Variants in IL1RAP observed in about 807,000 individuals in gnomAD.
IL1RAP encodes interleukin-1 receptor accessory protein.
Under a neutral mutation model 60.7 loss-of-function variants are expected in IL1RAP, and 35 were observed. The observed-to-expected ratio is 0.58, with a 90% confidence interval of 0.44 to 0.76. The LOEUF (loss-of-function observed/expected upper bound fraction) is 0.76. IL1RAP is among the 30% of genes least tolerant of loss of function. The pLI is 0.00. For synonymous variants in IL1RAP, 268 were observed against 250.9 expected (o/e 1.07, Z -0.64); for missense variants, 572 against 693.9 (o/e 0.82, Z 1.97).
At chr3:190,634,140 T>C (rs1733005622) in intron 9 of IL1RAP, among the ~76,000 whole-genome samples, 1 of 152,198 alleles carries the variant, frequency 6.6e-6, no homozygotes, top group African/African-American at 2.4e-5. Flanking sequence ...GTCAGTGTGA[T>C]GATTTATACT....
At chr3:190,584,034 G>T (rs1046849300) in intron 3 of IL1RAP, among the ~76,000 whole-genome samples, 1 of 152,022 alleles carries the variant, frequency 6.6e-6, no homozygotes, top group African/African-American at 2.4e-5. Context: ...TTTCTCTCAT[G>T]CTGCCACTGT....
In IL1RAP at chr3:190,620,337, C is replaced by T. The variant is rs1362895141; in HGVS notation, c.600C>T (p.Leu200=). 1.9e-6 allele frequency: 3 copies of T among 1,605,930 alleles called. No individual in the cohort carries two copies. Among genetic ancestry groups the T allele is most frequent in the Non-Finnish European group, 1.7e-6 (2 of 1,173,752 alleles). The change falls in exon 6 of 12, where the codon CTC becomes CTT. Residue 200 remains leucine, a synonymous_variant. Transcript: ENST00000447382. ...VIPEGMNLSF[L]IALISNNGNY... is the part of the protein sequence containing the mutation. ...CCGAAGGTATGAACTTGAGTTTCCT[C>T]ATTGCCTTAATTTCAAATAATGGAA...
At chr3:190,641,891 T>C (rs1733687729) in intron 9 of IL1RAP, among the ~76,000 whole-genome samples, 1 of 152,188 alleles carries the variant, frequency 6.6e-6, no homozygotes, top group South Asian at 2.1e-4. Context: ...TAGTAAACTT[T>C]CAGCAACTGC....
intron 1 of IL1RAP, among the ~76,000 whole-genome samples, chr3:190,536,107 G>A (rs1384124737): frequency 1.3e-5 from 2 of 151,926 alleles, no homozygotes; most frequent in African/African-American, 2.4e-5. Flanking sequence ...TTGCTTGTTG[G>A]GTTTCTTTTC....
chr3:190,578,074 G>A (rs1018460216), intron 3 of IL1RAP, among the ~76,000 whole-genome samples: 2 of 152,152 alleles, frequency 1.3e-5, no homozygotes, highest in South Asian at 4.1e-4. Flanking sequence ...GTGGGAGGAG[G>A]ACACAGGTTG....
chr3:190,632,461 T>A (rs1477173096), intron 9 of IL1RAP, among the ~76,000 whole-genome samples: 1 of 152,328 alleles, frequency 6.6e-6, no homozygotes, highest in East Asian at 1.9e-4. Flanking sequence ...GTTTTTAAAT[T>A]TAATGTATGT....
downstream of IL1RAP, chr3:190,656,073 A>G (rs1199642928): frequency 6.5e-7 from 1 of 1,537,264 alleles, no homozygotes; most frequent in East Asian, 2.4e-5. Context: ...ACCCGCACCC[A>G]GGCATTCTTC....
chr3:190,536,492 T>C (rs771096024), intron 1 of IL1RAP, among the ~76,000 whole-genome samples: 3 of 152,140 alleles, frequency 2.0e-5, no homozygotes, highest in Non-Finnish European at 4.4e-5. Flanking sequence ...TCGTTTTGTA[T>C]TTTTACTGTG....
chr3:190,599,479 C>T (rs529142266), intron 3 of IL1RAP, among the ~76,000 whole-genome samples: 1 of 148,788 alleles, frequency 6.7e-6, no homozygotes, highest in South Asian at 2.1e-4. Flanking sequence ...CCTAATATTT[C>T]GTAAAGTGAC....
chr3:190,588,721 G>C (rs1728684847), intron 3 of IL1RAP, among the ~76,000 whole-genome samples: 1 of 152,054 alleles, frequency 6.6e-6, no homozygotes, highest in Non-Finnish European at 1.5e-5. Context: ...ACATTCTCTT[G>C]TTTTGCTTCC....
In IL1RAP at chr3:190,650,185, G is replaced by T; in HGVS notation, c.*1480G>T. Reference sequence around the variant, plus strand: ...TTTTAAATTATGTTTTTACTGGAATGTTTTTGTGTCAGTGTTTTCTGTACA... The same window carrying T: ...TTTTAAATTATGTTTTTACTGGAATTTTTTTGTGTCAGTGTTTTCTGTACA... On this transcript the variant is annotated 3_prime_UTR_variant, in exon 12 of 12. Transcript: ENST00000447382. 1.0e-6 allele frequency: 1 copy of T among 984,236 alleles called. No individual in the cohort carries two copies. Among genetic ancestry groups the T allele is most frequent in the Non-Finnish European group, 1.2e-6 (1 of 828,914 alleles). 61.0% of individuals were successfully genotyped at this position (984,236 alleles called of 1,614,324 possible).
chr3:190,525,256 G>T (rs945389867), intron 1 of IL1RAP, among the ~76,000 whole-genome samples: 12 of 152,212 alleles, frequency 7.9e-5, no homozygotes, highest in Non-Finnish European at 1.5e-4. Flanking sequence ...GGACATAGAA[G>T]AGGGACAGTT....
intron 1 of IL1RAP, among the ~76,000 whole-genome samples, chr3:190,534,501 G>A (rs1276599007): frequency 6.6e-6 from 1 of 152,082 alleles, no homozygotes; most frequent in Non-Finnish European, 1.5e-5. Context: ...AGGACCTTGG[G>A]CCGAGATTTC....
downstream of IL1RAP, among the ~76,000 whole-genome samples, chr3:190,652,754 G>A (rs1038150574): frequency 2.0e-5 from 3 of 152,174 alleles, no homozygotes; most frequent in Non-Finnish European, 4.4e-5. Context: ...TTGAGATTTT[G>A]TATATGAGTT....
At chr3:190,559,647 T>C (rs1725719257) in intron 2 of IL1RAP, among the ~76,000 whole-genome samples, 2 of 152,194 alleles carry the variant, frequency 1.3e-5, no homozygotes, top group African/African-American at 4.8e-5. Flanking sequence ...TATACTTTAT[T>C]TTAAGGCATG....
At chr3:190,657,681 T>C (rs1734658211) in exon 12 of IL1RAP, 1 of 152,186 alleles carries the variant, frequency 6.6e-6, no homozygotes, top group Non-Finnish European at 1.5e-5. Flanking sequence ...CATAAACTCA[T>C]ATAAGGCACA....
chr3:190,554,394 G>A (rs1456803931), intron 1 of IL1RAP, among the ~76,000 whole-genome samples: 2 of 152,156 alleles, frequency 1.3e-5, no homozygotes, highest in Admixed American at 1.3e-4. Context: ...CCCTGCAAAT[G>A]GTGCAAACTT....
Position 190,644,258 on chromosome 3 carries a change from A to G in IL1RAP, c.1062A>G (p.Pro354=). 2 of 1,613,234 alleles carry G rather than the reference A, an allele frequency of 1.2e-6. No homozygotes were observed. The highest frequency in any genetic ancestry group is 1.7e-6 in the Non-Finnish European group (2 of 1,179,616). Residue 354 remains proline, a synonymous_variant, in exon 10 of 12, where the codon CCA becomes CCG. Transcript: ENST00000447382. ...TGTTGTTCATTCCAGTGCCAGCTCC[A>G]AGATACACAGTGGAACTGGCTTGTG... ...AAKVKQKVPA[P]RYTVELACGF... is the part of the protein sequence containing the mutation.
Position 190,650,960 on chromosome 3 carries a change from A to C in IL1RAP, c.*2255A>C, listed in dbSNP as rs1437811924. On this transcript the variant is annotated 3_prime_UTR_variant, in exon 12 of 12. Transcript: ENST00000447382. The stretch of plus-strand genomic sequence containing the variant: ...GTTGGGCACCCCTAGAAATACCTTG[A>C]TGTTTTTTCTATTTATATGCCTGCC... The C allele has an allele frequency of 1.0e-6, 1 of 985,236 alleles. No individual in the cohort carries two copies. Among genetic ancestry groups the C allele is most frequent in the Non-Finnish European group, 1.2e-6 (1 of 829,890 alleles). The allele number at this position is 985,236 out of a possible 1,614,324, so 61.0% of individuals were successfully genotyped here. A position where few individuals can be genotyped will look rare whatever the true frequency, so the allele number is the denominator to read the frequency against.
Sources: gnomAD v4.1 joint callset for allele counts (sites outside exome capture counted in the v4.1 genomes callset) on GRCh38, gnomAD v4.1.1 for gene constraint, MANE v1.5 for transcripts, NCBI Gene and HGNC (gene_info 2026-07-23, HGNC 2026-07-21) for gene names.